Variants in MARCHF3 observed in about 807,000 individuals in gnomAD.
MARCHF3 encodes the protein membrane associated ring-CH-type finger 3, also known as E3 ubiquitin-protein ligase MARCHF3.
A neutral mutation model predicts 24.2 loss-of-function variants in MARCHF3; 13 were observed. The ratio of observed to expected loss-of-function variants is 0.54; its 90% confidence interval spans 0.35 to 0.85. MARCHF3 has a LOEUF of 0.85. Among genes scored for constraint, MARCHF3 ranks in the 40% least tolerant of loss-of-function variants. MARCHF3 has a pLI of 0.01. For synonymous variants in MARCHF3, 144 were observed against 137.3 expected (o/e 1.05, Z -0.34); for missense variants, 276 against 325.0 (o/e 0.85, Z 1.16).
chr5:126,962,480 T>C (rs966679888), intron 1 of MARCHF3, among the ~76,000 whole-genome samples: 3 of 151,742 alleles, frequency 2.0e-5, no homozygotes, highest in African/African-American at 7.3e-5. Context: ...CATCCCAATC[T>C]GAAAATACAA....
intron 1 of MARCHF3, among the ~76,000 whole-genome samples, chr5:126,994,247 G>C (rs1179597177): frequency 1.3e-5 from 2 of 152,196 alleles, no homozygotes; most frequent in African/African-American, 2.4e-5. Context: ...TGTCATAGGA[G>C]CTAGACTCAA....
intron 1 of MARCHF3, among the ~76,000 whole-genome samples, chr5:126,964,475 T>C (rs1750739134): frequency 6.6e-6 from 1 of 152,242 alleles, no homozygotes; most frequent in Non-Finnish European, 1.5e-5. Flanking sequence ...TAAGAGCAAG[T>C]GCAAATTTAC....
intron 1 of MARCHF3, among the ~76,000 whole-genome samples, chr5:126,974,269 C>A (rs1450335849): frequency 6.6e-6 from 1 of 152,176 alleles, no homozygotes; most frequent in African/African-American, 2.4e-5. Context: ...CTCCCTCAAG[C>A]AGGTCAGATT....
chr5:126,975,764 C>T (rs1037337725), intron 1 of MARCHF3, among the ~76,000 whole-genome samples: 1 of 152,126 alleles, frequency 6.6e-6, no homozygotes, highest in Non-Finnish European at 1.5e-5. Context: ...AAGCTAAAAC[C>T]CAGAACACTT....
chr5:126,938,609 A>T (rs1749724495), intron 1 of MARCHF3, among the ~76,000 whole-genome samples: 2 of 152,150 alleles, frequency 1.3e-5, no homozygotes, highest in Non-Finnish European at 2.9e-5. Context: ...GTATTTCCCA[A>T]GTCTCACACT....
intron 3 of MARCHF3, chr5:126,898,902 A>T: frequency 1.0e-6 from 1 of 985,302 alleles, no homozygotes; most frequent in Non-Finnish European, 1.2e-6. Flanking sequence ...TCTGACTTCA[A>T]TCTTCACAAA....
At chr5:126,924,385 C>T (rs1223321747) in intron 1 of MARCHF3, among the ~76,000 whole-genome samples, 1 of 152,136 alleles carries the variant, frequency 6.6e-6, no homozygotes, top group East Asian at 1.9e-4. Context: ...ATGGACAATA[C>T]AAGGCGGTCA....
At chr5:126,886,583 G>T (rs895470934) in intron 3 of MARCHF3, among the ~76,000 whole-genome samples, 1 of 152,214 alleles carries the variant, frequency 6.6e-6, no homozygotes, top group Non-Finnish European at 1.5e-5. Context: ...CAATGCTATA[G>T]AACTCATAAG....
chr5:127,028,758 A>AT (rs1265663358), intron 1 of MARCHF3, among the ~76,000 whole-genome samples: 1 of 152,078 alleles, frequency 6.6e-6, no homozygotes, highest in Non-Finnish European at 1.5e-5. Flanking sequence ...CGTGGCTATA[A>AT]TTATTTCACA....
chr5:126,889,893 G>C (rs1292577728), intron 3 of MARCHF3, among the ~76,000 whole-genome samples: 1 of 152,136 alleles, frequency 6.6e-6, no homozygotes, highest in East Asian at 1.9e-4. Context: ...AAGTAATTTG[G>C]AATGTGTGAG....
rs1191628454 is a variant in MARCHF3, at chr5:127,023,718, G to A, written c.-57+6632C>T. Among the ~76,000 whole-genome samples, 17 of 149,812 alleles carry A rather than the reference G, an allele frequency of 1.1e-4. No individual in the cohort carries two copies. The South Asian group carries it at 2.3e-3, about 21-fold the overall frequency. On this transcript the variant is annotated intron_variant, in intron 1 of 4. Transcript: ENST00000308660. ...TGCACTCTAGCCTGGGTGACATAGCGAGATTCTGTCTCAAAAAATAAATAA... is the reference window on the plus strand; with the variant it reads ...TGCACTCTAGCCTGGGTGACATAGCAAGATTCTGTCTCAAAAAATAAATAA...
Position 126,878,208 on chromosome 5 carries a change from T to C in MARCHF3, c.580A>G (p.Thr194Ala). ...GLIALTVALF[T>A]IYLFWTLVSF... ...ACTAGTGTCCAAAAGAGGTAAATAG[T>C]GAAGAGTGCGACAGTGAGTGCAATC... Residue 194 changes from threonine to alanine, a missense_variant, in exon 4 of 5, where the codon ACT (threonine) becomes GCT (alanine). By Grantham distance (58) the Thr-to-Ala change is moderately conservative (BLOSUM62 0). Transcript: ENST00000308660. 6.2e-7 allele frequency: 1 copy of C among 1,614,162 alleles called. No homozygotes were observed. Among genetic ancestry groups the C allele is most frequent in the Non-Finnish European group, 8.5e-7 (1 of 1,180,032 alleles).
At chr5:126,949,779 C>T (rs113952857) in intron 1 of MARCHF3, among the ~76,000 whole-genome samples, 40 of 152,196 alleles carry the variant, frequency 2.6e-4, no homozygotes, top group African/African-American at 8.4e-4. Flanking sequence ...TGGGATTAGG[C>T]GATCTGAGAA....
intron 1 of MARCHF3, among the ~76,000 whole-genome samples, chr5:127,006,200 CAA>C (rs58415135): frequency 5.1e-4 from 37 of 71,892 alleles, no homozygotes; most frequent in Admixed American, 6.4e-4. Context: ...GAGGCTCTGT[CAA>C]AAAAAAAAAA....
chr5:126,974,043 G>A (rs1176158010), intron 1 of MARCHF3, among the ~76,000 whole-genome samples: 5 of 151,648 alleles, frequency 3.3e-5, no homozygotes, highest in East Asian at 3.9e-4. Flanking sequence ...GACTACAGGC[G>A]CCCGCCACCG....
At chr5:126,984,477 A>T (rs1188572604) in intron 1 of MARCHF3, among the ~76,000 whole-genome samples, 2 of 152,200 alleles carry the variant, frequency 1.3e-5, no homozygotes, top group Non-Finnish European at 2.9e-5. Context: ...AACCAGTAGG[A>T]AACAGGATCA....
At position 126,918,158 on chromosome 5, in the gene MARCHF3, C is replaced by T. The variant is rs139650449; in HGVS notation, c.14G>A (p.Arg5His). The T allele has an allele frequency of 2.7e-5, 44 of 1,612,988 alleles. No homozygotes were observed. Among genetic ancestry groups the T allele is most frequent in the Middle Eastern group, 1.7e-4 (1 of 5,752 alleles). MTTSRCSHLPEVLPD... is the reference protein window; with the variant it reads MTTSHCSHLPEVLPD... ...CAGGACTTCGGGCAGGTGACTGCAGCGGCTGGTTGTCATGGTAACAGACAG... is the reference window on the plus strand; with the variant it reads ...CAGGACTTCGGGCAGGTGACTGCAGTGGCTGGTTGTCATGGTAACAGACAG... The change falls in exon 2 of 5, where the codon CGC (arginine) becomes CAC (histidine). Residue 5 changes from arginine to histidine, a missense_variant. By Grantham distance (29) the Arg-to-His change is conservative. Transcript: ENST00000308660.
intron 1 of MARCHF3, among the ~76,000 whole-genome samples, chr5:126,968,669 G>A (rs772004041): frequency 1.3e-5 from 2 of 152,134 alleles, no homozygotes; most frequent in Admixed American, 1.3e-4. Flanking sequence ...TCCACCTCCT[G>A]GGTTCAAGTG....
At chr5:126,939,506 C>G (rs1749759328) in intron 1 of MARCHF3, among the ~76,000 whole-genome samples, 1 of 152,052 alleles carries the variant, frequency 6.6e-6, no homozygotes, top group African/African-American at 2.4e-5. Context: ...AGTATTAGTA[C>G]ATAAAACACA....
Sources: gnomAD v4.1 joint callset for allele counts (sites outside exome capture counted in the v4.1 genomes callset) on GRCh38, gnomAD v4.1.1 for gene constraint, MANE v1.5 for transcripts, NCBI Gene and HGNC (gene_info 2026-07-23, HGNC 2026-07-21) for gene names.